Variants in GNAI3 observed in about 807,000 individuals in gnomAD.
GNAI3 encodes guanine nucleotide-binding protein G(i) subunit alpha-3.
In GNAI3, 12 loss-of-function variants were observed where a neutral mutation model predicts 41.8. The ratio of observed to expected loss-of-function variants is 0.29; its 90% CI spans 0.18 to 0.47. GNAI3 has a LOEUF of 0.47. GNAI3 is among the 20% of genes least tolerant of loss of function. GNAI3 has a pLI of 1.00. For missense variants in GNAI3, 360 were observed against 429.6 expected (o/e 0.84, Z 1.43); for synonymous variants, 132 against 146.5 (o/e 0.90, Z 0.71).
chr1:109,590,690 C>T (rs1649151317), intron 7 of GNAI3, among the ~76,000 whole-genome samples: 1 of 151,818 alleles, frequency 6.6e-6, no homozygotes, highest in Admixed American at 6.6e-5. Flanking sequence ...CTTCTTGTGC[C>T]TCAGCTCTAC....
intron 1 of GNAI3, among the ~76,000 whole-genome samples, chr1:109,555,703 A>G (rs1648120139): frequency 6.6e-6 from 1 of 152,166 alleles, no homozygotes; most frequent in Non-Finnish European, 1.5e-5. Context: ...GCATTATTAC[A>G]AAAAAGTCTT....
At chr1:109,571,965 A>G (rs187057292) in intron 1 of GNAI3, among the ~76,000 whole-genome samples, 1 of 152,026 alleles carries the variant, frequency 6.6e-6, no homozygotes, top group African/African-American at 2.4e-5. Context: ...ATGAGTTTAG[A>G]TAGGGAAAAG....
intron 1 of GNAI3, among the ~76,000 whole-genome samples, chr1:109,552,583 T>C (rs1435595158): frequency 6.6e-6 from 1 of 152,200 alleles, no homozygotes. Context: ...CTACCATGAA[T>C]TTGGTAATTT....
At position 109,579,262 on chromosome 1, in the gene GNAI3, C is replaced by T. The variant is rs760950766; in HGVS notation, c.362C>T (p.Pro121Leu). The T allele has an allele frequency of 1.9e-6, 3 of 1,612,962 alleles. No homozygotes were observed. The South Asian group carries it at 3.3e-5, about 18-fold the overall frequency. The change falls in exon 4 of 9, where the codon CCA (proline) becomes CTA (leucine). Residue 121 changes from proline to leucine, a missense_variant. By Grantham distance (98) the Pro-to-Leu change is moderately conservative. Coordinates refer to ENST00000369851, the MANE Select transcript of GNAI3 (RefSeq NM_006496.4). ...AGTGCTGAAGAAGGAGTCATGACTCCAGAACTAGCAGGAGTGATTAAACGG... is the reference window on the plus strand; with the variant it reads ...AGTGCTGAAGAAGGAGTCATGACTCTAGAACTAGCAGGAGTGATTAAACGG... ...AGSAEEGVMT[P>L]ELAGVIKRLW...
At chr1:109,580,277 CG>C (rs1329583886) in intron 4 of GNAI3, among the ~76,000 whole-genome samples, 11 of 152,164 alleles carry the variant, frequency 7.2e-5, no homozygotes, top group African/African-American at 2.7e-4. Flanking sequence ...GGATTACAGG[CG>C]TGAGCCACCG....
chr1:109,591,975 T>C, intron 7 of GNAI3, 68 bp from the exon 8 acceptor site: 1 of 863,726 alleles, frequency 1.2e-6, no homozygotes, highest in East Asian at 2.4e-5. Flanking sequence ...TAAATGGTAA[T>C]GGTCTGACTT....
chr1:109,579,308 A>T lies in GNAI3; in HGVS notation c.408A>T (p.Val136=), dbSNP rs781178254. 178 of 1,606,930 alleles carry T rather than the reference A, an allele frequency of 1.1e-4. No homozygotes were observed. The highest frequency in any genetic ancestry group is 1.2e-4 in the Non-Finnish European group (143 of 1,173,482). ...AACGGTTATGGCGAGATGGTGGGGT[A>T]CAAGCTTGCTTCAGCAGATCCAGGG... ...VIKRLWRDGG[V]QACFSRSREY... The change falls in exon 4 of 9, where the codon GTA becomes GTT. Residue 136 remains valine, a synonymous_variant. Transcript: ENST00000369851.
chr1:109,558,337 C>T (rs868273406), intron 1 of GNAI3, among the ~76,000 whole-genome samples: 12 of 152,022 alleles, frequency 7.9e-5, no homozygotes, highest in South Asian at 2.1e-4. Context: ...GCATGAGAAT[C>T]GCTTGAACCT....
At chr1:109,579,734 G>A (rs1648838797) in intron 4 of GNAI3, among the ~76,000 whole-genome samples, 1 of 152,150 alleles carries the variant, frequency 6.6e-6, no homozygotes, top group African/African-American at 2.4e-5. Context: ...TAGAATAGTG[G>A]TATTCCTTTT....
At chr1:109,578,242 G>A (rs753756707) in intron 3 of GNAI3, among the ~76,000 whole-genome samples, 1 of 151,834 alleles carries the variant, frequency 6.6e-6, no homozygotes, top group Non-Finnish European at 1.5e-5. Context: ...AGGCTGAGGC[G>A]AGTGGATCAC....
rs146096013 is a variant in GNAI3, at chr1:109,570,076, T to G, written c.119-3661T>G. Among the ~76,000 whole-genome samples, 5 of 152,328 alleles carry G rather than the reference T, an allele frequency of 3.3e-5. No individual in the cohort carries two copies. In the East Asian group the frequency reaches 9.6e-4, roughly 29 times the overall value. ...TAACTGGTATGCATTTGTATTTTCT[T>G]CCCAGAGTAGAATCATTGGATTTTT... On this transcript the variant is annotated intron_variant, in intron 1 of 8. Transcript: ENST00000369851.
intron 1 of GNAI3, among the ~76,000 whole-genome samples, chr1:109,551,253 C>T (rs528812105): frequency 1.3e-5 from 2 of 152,278 alleles, no homozygotes; most frequent in African/African-American, 2.4e-5. Flanking sequence ...AACATATGTT[C>T]TTGCTTGAGC....
Position 109,573,931 on chromosome 1 carries a change from G to A in GNAI3, c.197G>A (p.Cys66Tyr). The A allele has an allele frequency of 1.9e-6, 3 of 1,609,692 alleles. No individual in the cohort carries two copies. Among genetic ancestry groups the A allele is most frequent in the Non-Finnish European group, 2.6e-6 (3 of 1,176,244 alleles). Residue 66 changes from cysteine (C) to tyrosine (Y), a missense_variant, in exon 3 of 9, where the codon TGT (cysteine) becomes TAT (tyrosine). Physicochemically the swap from Cys to Tyr is radical, Grantham distance 194 (BLOSUM62 -2). Transcript: ENST00000369851. ...IHEDGYSEDECKQYKVVVYSN... is the reference protein window; with the variant it reads ...IHEDGYSEDEYKQYKVVVYSN... ...GAGGATGGCTATTCAGAGGATGAAT[G>A]TAAACAATATAAAGTAGTTGTCTAC...
At chr1:109,561,676 T>C (rs566272329) in intron 1 of GNAI3, among the ~76,000 whole-genome samples, 1 of 152,270 alleles carries the variant, frequency 6.6e-6, no homozygotes, top group East Asian at 1.9e-4. Context: ...GCAAGTAAAC[T>C]ATGGTAATAA....
At position 109,599,683 on chromosome 1, in the gene GNAI3, A is replaced by G. The variant is rs184009723; in HGVS notation, c.*7361A>G. On this transcript the variant is annotated 3_prime_UTR_variant, in exon 9 of 9. Coordinates refer to ENST00000369851, the MANE Select transcript of GNAI3 (RefSeq NM_006496.4). ...GAGGAAATTTTACCTTCAACAAACA[A>G]GCAAACTTAGTTATATTTTTGTGAT... 75 of 152,326 alleles carry G rather than the reference A, an allele frequency of 4.9e-4. No homozygotes were observed. The highest frequency in any genetic ancestry group is 1.7e-3 in the African/African-American group (70 of 41,566). The allele number at this position is 152,326 out of a possible 1,614,324, so 9.4% of individuals were successfully genotyped here.
At chr1:109,588,842 G>T (rs1391443230) in intron 7 of GNAI3, among the ~76,000 whole-genome samples, 1 of 152,078 alleles carries the variant, frequency 6.6e-6, no homozygotes, top group Non-Finnish European at 1.5e-5. Flanking sequence ...GCGGTGAGCC[G>T]AGATCGCACC....
rs956691012 is a variant in GNAI3 at position 109,594,563 on chromosome 1, G to T, written c.*2241G>T. 6.6e-6 allele frequency: 1 copy of T among 151,432 alleles called. No homozygotes were observed. The highest frequency in any genetic ancestry group is 1.5e-5 in the Non-Finnish European group (1 of 67,928). 9.4% of individuals were successfully genotyped at this position (151,432 alleles called of 1,614,324 possible). A position where few individuals can be genotyped will look rare whatever the true frequency, so the allele number is the denominator to read the frequency against. On this transcript the variant is annotated 3_prime_UTR_variant, in exon 9 of 9. Transcript: ENST00000369851. The stretch of plus-strand genomic sequence containing the variant: ...TTGAGGACACAGGGAGACAATTTAA[G>T]TCAGTAGTTTTTAATATGACTTAAG...
intron 5 of GNAI3, among the ~76,000 whole-genome samples, chr1:109,585,673 C>G (rs562866033): frequency 1.3e-5 from 2 of 152,042 alleles, no homozygotes; most frequent in African/African-American, 4.8e-5. Context: ...GATCCCCAGT[C>G]CCTGTTTGTT....
chr1:109,583,858 T>A (rs1192263232), intron 5 of GNAI3, among the ~76,000 whole-genome samples: 1 of 151,940 alleles, frequency 6.6e-6, no homozygotes, highest in Non-Finnish European at 1.5e-5. Context: ...CCCAAAGTGC[T>A]GGGATTACAG....
Sources: gnomAD v4.1 joint callset for allele counts (sites outside exome capture counted in the v4.1 genomes callset) on GRCh38, gnomAD v4.1.1 for gene constraint, MANE v1.5 for transcripts, NCBI Gene and HGNC (gene_info 2026-07-23, HGNC 2026-07-21) for gene names.